The following LRMDA variants were observed in gnomAD, a reference collection of about 807,000 sequenced individuals.
The protein encoded by LRMDA is leucine rich melanocyte differentiation associated, also known as leucine-rich melanocyte differentiation-associated protein.
LRMDA carries 18 observed loss-of-function variants against 29.8 expected under a neutral mutation model. That is an observed-to-expected ratio of 0.60 (90% CI 0.42 to 0.90). The LOEUF (loss-of-function observed/expected upper bound fraction) is 0.90. Ranked by LOEUF, LRMDA falls within the 40% of genes least tolerant of loss-of-function variation. The pLI, the probability that LRMDA is intolerant of heterozygous loss-of-function variation, is 0.00. For missense variants in LRMDA, 273 were observed against 273.9 expected, an observed-to-expected ratio of 1.00 and a Z score of 0.02; for synonymous variants, 125 against 109.4, an observed-to-expected ratio of 1.14 and a Z score of -0.89.
chr10:76,103,423 C>T (rs2132104987), intron 5 of LRMDA, among the ~76,000 whole-genome samples: 1 of 152,294 alleles, frequency 6.6e-6, no homozygotes, highest in Admixed American at 6.5e-5. Context: ...CTTGACTGCT[C>T]TTCTGATCCC....
intron 2 of LRMDA, among the ~76,000 whole-genome samples, chr10:75,837,606 T>A (rs558336703): frequency 6.6e-6 from 1 of 152,062 alleles, no homozygotes; most frequent in African/African-American, 2.4e-5. Context: ...ACCAAAAGAG[T>A]ATAATTGTAT....
intron 6 of LRMDA, among the ~76,000 whole-genome samples, chr10:76,502,722 T>G (rs1014069993): frequency 6.6e-5 from 10 of 151,916 alleles, no homozygotes; most frequent in African/African-American, 2.4e-4. Flanking sequence ...TCCTGAAACT[T>G]TACTACAATT....
intron 2 of LRMDA, among the ~76,000 whole-genome samples, chr10:75,670,270 C>T (rs1354643496): frequency 6.6e-6 from 1 of 152,196 alleles, no homozygotes; most frequent in Non-Finnish European, 1.5e-5. Flanking sequence ...TTTGTAAGCT[C>T]TAAAGTGACT....
chr10:75,839,683 A>G (rs1844500862), intron 2 of LRMDA, among the ~76,000 whole-genome samples: 1 of 138,516 alleles, frequency 7.2e-6, no homozygotes, highest in Non-Finnish European at 1.5e-5. Context: ...TCTACTCCTT[A>G]GGATGCATCC....
intron 5 of LRMDA, among the ~76,000 whole-genome samples, chr10:76,281,087 G>A (rs1301351896): frequency 6.6e-6 from 1 of 152,098 alleles, no homozygotes; most frequent in African/African-American, 2.4e-5. Flanking sequence ...CAGTGGCTGT[G>A]AACTCAAACT....
chr10:75,614,496 A>C (rs1415456116), intron 2 of LRMDA, among the ~76,000 whole-genome samples: 2 of 152,108 alleles, frequency 1.3e-5, no homozygotes, highest in Admixed American at 6.6e-5. Context: ...AGGGAAGAAA[A>C]GGGAAGAAAG....
intron 6 of LRMDA, among the ~76,000 whole-genome samples, chr10:76,369,788 A>G (rs753391821): frequency 2.0e-5 from 3 of 152,072 alleles, no homozygotes; most frequent in Non-Finnish European, 2.9e-5. Flanking sequence ...CAACCTGGGA[A>G]TTTCCTTTCA....
intron 6 of LRMDA, among the ~76,000 whole-genome samples, chr10:76,482,675 A>G (rs1007813813): frequency 6.6e-6 from 1 of 151,942 alleles, no homozygotes; most frequent in African/African-American, 2.4e-5. Flanking sequence ...TTTAGTTCAC[A>G]TATTTATATA....
intron 2 of LRMDA, among the ~76,000 whole-genome samples, chr10:75,752,160 A>G (rs1219866513): frequency 2.0e-5 from 3 of 149,506 alleles, no homozygotes; most frequent in African/African-American, 7.4e-5. Flanking sequence ...CTGTTTGGTC[A>G]TTGGCAAATG....
intron 5 of LRMDA, among the ~76,000 whole-genome samples, chr10:76,090,099 G>A (rs1331687621): frequency 6.6e-6 from 1 of 152,160 alleles, no homozygotes; most frequent in Non-Finnish European, 1.5e-5. Context: ...TGAGATACCT[G>A]CGGAAAGTGG....
At chr10:76,058,510 A>G (rs1564641602) in intron 4 of LRMDA, among the ~76,000 whole-genome samples, 156 bp from the exon 5 acceptor site, 1 of 152,174 alleles carries the variant, frequency 6.6e-6, no homozygotes, top group Admixed American at 6.6e-5. Context: ...TCCAAGGAAC[A>G]GTTGTTTATT....
At chr10:75,620,994 C>T (rs1841174444) in intron 2 of LRMDA, among the ~76,000 whole-genome samples, 1 of 152,090 alleles carries the variant, frequency 6.6e-6, no homozygotes, top group African/African-American at 2.4e-5. Flanking sequence ...ACCGCCTTCA[C>T]CATTTCCCCC....
chr10:75,968,835 C>T (rs1453924222), intron 2 of LRMDA, among the ~76,000 whole-genome samples: 1 of 152,104 alleles, frequency 6.6e-6, no homozygotes, highest in Non-Finnish European at 1.5e-5. Context: ...ATTGTTTGAA[C>T]ATGAAAACAA....
chr10:75,771,479 T>C (rs779217126), intron 2 of LRMDA, among the ~76,000 whole-genome samples: 27 of 152,030 alleles, frequency 1.8e-4, no homozygotes, highest in Non-Finnish European at 7.4e-5. Context: ...CCCTTGCCAG[T>C]GCTGCAAAGT....
intron 2 of LRMDA, among the ~76,000 whole-genome samples, chr10:75,888,126 T>C (rs891961958): frequency 6.6e-6 from 1 of 152,172 alleles, no homozygotes; most frequent in African/African-American, 2.4e-5. Flanking sequence ...CCTGTAATCG[T>C]TGTCCAACAG....
chr10:76,022,870 A>G (rs1847997860), intron 2 of LRMDA, among the ~76,000 whole-genome samples: 1 of 152,188 alleles, frequency 6.6e-6, no homozygotes, highest in South Asian at 2.1e-4. Context: ...CCGTATCTCA[A>G]GCATCTCTGT....
intron 3 of LRMDA, among the ~76,000 whole-genome samples, chr10:76,044,958 G>C (rs189603921): frequency 6.8e-6 from 1 of 146,148 alleles, no homozygotes; most frequent in African/African-American, 2.5e-5. Context: ...CCTCTTGCTT[G>C]TTTCCCCTTC....
At chr10:75,646,712 C>T (rs1365515659) in intron 2 of LRMDA, among the ~76,000 whole-genome samples, 2 of 152,162 alleles carry the variant, frequency 1.3e-5, no homozygotes, top group African/African-American at 2.4e-5. Flanking sequence ...GGAGTGAGTT[C>T]GTTACATTGA....
chr10:76,530,529 A>T (rs1304355681), intron 6 of LRMDA, among the ~76,000 whole-genome samples: 1 of 152,176 alleles, frequency 6.6e-6, no homozygotes, highest in African/African-American at 2.4e-5. Context: ...TCTATTTAAA[A>T]TACTTATCAC....
Sources: allele counts gnomAD v4.1 joint callset (sites outside exome capture counted in the v4.1 genomes callset), GRCh38; gene constraint gnomAD v4.1.1; transcripts MANE v1.5; gene names NCBI Gene and HGNC (gene_info 2026-07-23, HGNC 2026-07-21).